Variants in HECTD4 observed in about 807,000 individuals in gnomAD.
HECTD4 encodes probable E3 ubiquitin-protein ligase HECTD4.
A neutral mutation model predicts 471.5 loss-of-function variants in HECTD4; 114 were observed. The observed-to-expected ratio is 0.24, with a 90% CI of 0.21 to 0.28. The LOEUF is 0.28. HECTD4 is among the 10% of genes least tolerant of loss of function. The pLI is 1.00. For missense variants in HECTD4, 3,866 were observed against 5,651.5 expected (o/e 0.68, Z 10.13); for synonymous variants, 2,012 against 2,256.0 (o/e 0.89, Z 3.07).
intron 3 of HECTD4, among the ~76,000 whole-genome samples, chr12:112,313,940 G>C (rs1418792741): frequency 2.0e-5 from 3 of 152,156 alleles, no homozygotes; most frequent in Non-Finnish European, 4.4e-5. Flanking sequence ...GTTAGGAGTA[G>C]TTATCTTTGG....
intron 1 of HECTD4, among the ~76,000 whole-genome samples, chr12:112,327,528 T>C (rs138667119): frequency 6.6e-6 from 1 of 152,272 alleles, no homozygotes; most frequent in East Asian, 1.9e-4. Flanking sequence ...GAAATTAGTG[T>C]TTGTGAAAAT....
At chr12:112,380,483 A>G (rs1041567379) in intron 1 of HECTD4, among the ~76,000 whole-genome samples, 17 of 152,136 alleles carry the variant, frequency 1.1e-4, no homozygotes, top group Admixed American at 7.2e-4. Flanking sequence ...AAGAGCATCC[A>G]CTTTCCACCT....
At chr12:112,206,114 C>T (rs923362209) in intron 52 of HECTD4, among the ~76,000 whole-genome samples, 1 of 152,132 alleles carries the variant, frequency 6.6e-6, no homozygotes, top group African/African-American at 2.4e-5. Flanking sequence ...GGAGGAAAAG[C>T]ATTATGGGAG....
intron 59 of HECTD4, among the ~76,000 whole-genome samples, chr12:112,191,630 A>G (rs2032083245): frequency 6.6e-6 from 1 of 152,212 alleles, no homozygotes; most frequent in African/African-American, 2.4e-5. Flanking sequence ...ATTGGCTTGT[A>G]TACTCTGGGG....
rs762954786 is a variant in HECTD4 at position 112,190,936 on chromosome 12, C to T, written c.9322G>A (p.Val3108Met). The T allele has an allele frequency of 3.8e-6, 6 of 1,566,618 alleles. No individual in the cohort carries two copies. The South Asian group carries it at 4.7e-5, about 12-fold the overall frequency. Residue 3108 changes from valine (V) to methionine (M), a missense_variant, in exon 60 of 76, where the codon GTG (valine) becomes ATG (methionine). Physicochemically the swap from Val to Met is conservative, Grantham distance 21 (BLOSUM62 1). Around this residue, in one of 16 missense-constraint regions of HECTD4, gnomAD observed 364 missense variants for 413.2 expected, o/e 0.88. Coordinates refer to ENST00000682272, the MANE Select transcript of HECTD4 (RefSeq NM_001388303.1). ...AACTCCAGGGGCAGGGAATGTAACA[C>T]CAGGACTGCTCCAGGAGGTGGAGAC... ...GVSPPPGAVL[V>M]LHSLPLEFPL...
At chr12:112,198,269 T>C (rs571131578) in intron 55 of HECTD4, among the ~76,000 whole-genome samples, 5 of 152,282 alleles carry the variant, frequency 3.3e-5, no homozygotes, top group African/African-American at 1.2e-4. Context: ...GCAGAGCTTT[T>C]TGAAGAGGTG....
chr12:112,380,339 G>T (rs867638825), intron 1 of HECTD4, among the ~76,000 whole-genome samples: 1 of 152,054 alleles, frequency 6.6e-6, no homozygotes. Flanking sequence ...CAGCAACTCG[G>T]GAGGCAGAGG....
chr12:112,246,936 G>T lies in HECTD4; in HGVS notation c.4478C>A (p.Thr1493Lys), dbSNP rs370292832. The T allele has an allele frequency of 3.1e-6, 5 of 1,612,186 alleles. No individual in the cohort carries two copies. The highest frequency in any genetic ancestry group is 4.2e-6 in the Non-Finnish European group (5 of 1,179,818). ...HVTIAAQSGL[T>K]RSISGTPAET... ...AGCAGGGGTCCCAGAGATGCTTCTC[G>T]TGAGGCCCGACTGGGCTGCGATGGT... Residue 1493 changes from threonine (T) to lysine (K), a missense_variant, in exon 29 of 76, where the codon ACG (threonine) becomes AAG (lysine). Around this residue, in one of 16 missense-constraint regions of HECTD4, gnomAD observed 49 missense variants for 43.6 expected, o/e 1.12. Coordinates refer to ENST00000682272, the MANE Select transcript of HECTD4 (RefSeq NM_001388303.1).
chr12:112,335,644 C>T (rs1416488236), intron 1 of HECTD4, among the ~76,000 whole-genome samples: 1 of 152,040 alleles, frequency 6.6e-6, no homozygotes, highest in African/African-American at 2.4e-5. Flanking sequence ...GCCAAGATCA[C>T]ACCGCTGCTC....
chr12:112,252,573 T>C, intron 22 of HECTD4, 45 bp from the exon 23 acceptor site: 1 of 1,582,882 alleles, frequency 6.3e-7, no homozygotes, highest in Non-Finnish European at 8.6e-7. Flanking sequence ...AAAAACAAGA[T>C]ACACAATTTC....
chr12:112,261,848 A>G (rs1348341300), intron 17 of HECTD4: 1 of 154,842 alleles, frequency 6.5e-6, no homozygotes, highest in African/African-American at 2.4e-5. Context: ...AGAACAGTAA[A>G]AGGCGCATGT....
intron 7 of HECTD4, among the ~76,000 whole-genome samples, chr12:112,301,311 T>C (rs2035160313): frequency 6.6e-6 from 1 of 151,480 alleles, no homozygotes; most frequent in African/African-American, 2.4e-5. Context: ...GCCTCCCTAG[T>C]AGCTGGGCTT....
intron 7 of HECTD4, among the ~76,000 whole-genome samples, chr12:112,296,771 T>C (rs185511110): frequency 2.7e-4 from 26 of 97,582 alleles, no homozygotes; most frequent in Admixed American, 8.0e-4. Flanking sequence ...TAGGTGCAGA[T>C]GGTGTAGGTG....
Position 112,217,016 on chromosome 12 carries a change from T to C in HECTD4, c.7236+18A>G. 1.3e-6 allele frequency: 2 copies of C among 1,588,246 alleles called. No homozygotes were observed. The highest frequency in any genetic ancestry group is 1.7e-6 in the Non-Finnish European group (2 of 1,162,080). ...AAATCTGAAGATGCAAAAGACAGTG[T>C]GTCATGTGATGTCTCACCTGAACTG... On this transcript the variant is annotated intron_variant, in intron 46 of 75. Coordinates refer to ENST00000682272, the MANE Select transcript of HECTD4 (RefSeq NM_001388303.1).
At chr12:112,238,108 G>A (rs555990518) in intron 34 of HECTD4, among the ~76,000 whole-genome samples, 1 of 152,008 alleles carries the variant, frequency 6.6e-6, no homozygotes, top group South Asian at 2.1e-4. Flanking sequence ...TCTTTTGCCT[G>A]GCATATAATA....
At chr12:112,271,758 T>A (rs2034417679) in intron 11 of HECTD4, among the ~76,000 whole-genome samples, 1 of 152,200 alleles carries the variant, frequency 6.6e-6, no homozygotes, top group South Asian at 2.1e-4. Context: ...AATTTCCATT[T>A]TTTTTTGTTG....
intron 1 of HECTD4, among the ~76,000 whole-genome samples, chr12:112,380,339 G>A (rs867638825): frequency 1.3e-5 from 2 of 152,172 alleles, no homozygotes; most frequent in Middle Eastern, 3.4e-3. Flanking sequence ...CAGCAACTCG[G>A]GAGGCAGAGG....
intron 1 of HECTD4, among the ~76,000 whole-genome samples, chr12:112,364,127 G>A (rs955003188): frequency 4.6e-5 from 7 of 151,190 alleles, no homozygotes; most frequent in Non-Finnish European, 1.0e-4. Flanking sequence ...AAAATGGGCT[G>A]GGCACGGTGG....
At position 112,308,834 on chromosome 12, in the gene HECTD4, G is replaced by A. The variant is rs1444092685; in HGVS notation, c.1083C>T (p.Ser361=). ...ELEPGWVAFG[S]GSLLHRPVSF... is the part of the protein sequence containing the mutation. Reference sequence around the variant, plus strand: ...AGACAGGCCGGTGGAGAAGACTGCCGCTGCCAAAAGCCACCCATCCTGGTT... The same window carrying A: ...AGACAGGCCGGTGGAGAAGACTGCCACTGCCAAAAGCCACCCATCCTGGTT... Residue 361 remains serine (S), a synonymous_variant, in exon 6 of 76, where the codon AGC becomes AGT. Coordinates refer to ENST00000682272, the MANE Select transcript of HECTD4 (RefSeq NM_001388303.1). 17 of 1,535,858 alleles carry A rather than the reference G, an allele frequency of 1.1e-5. No homozygotes were observed. Among genetic ancestry groups the A allele is most frequent in the Admixed American group, 3.9e-5 (2 of 50,960 alleles).
Sources: allele counts gnomAD v4.1 joint callset (sites outside exome capture counted in the v4.1 genomes callset), GRCh38; gene constraint gnomAD v4.1.1; regional missense constraint gnomAD v4.1.1; transcripts MANE v1.5; gene names NCBI Gene and HGNC (gene_info 2026-07-23, HGNC 2026-07-21).